Variants in PSMD1 observed in about 807,000 individuals in gnomAD.
PSMD1 encodes 26S proteasome non-ATPase regulatory subunit 1.
A neutral mutation model predicts 119.0 loss-of-function variants in PSMD1; 18 were observed. That is an observed-to-expected ratio of 0.15 (90% CI 0.10 to 0.22). The LOEUF (loss-of-function observed/expected upper bound fraction) is 0.22. PSMD1 is among the 10% of genes least tolerant of loss of function. The pLI, the probability that PSMD1 is intolerant of heterozygous loss-of-function variation, is 1.00. For missense variants in PSMD1, 702 were observed against 1,158.5 expected, an observed-to-expected ratio of 0.61 and a Z score of 5.72; for synonymous variants, 374 against 396.6, an observed-to-expected ratio of 0.94 and a Z score of 0.68.
chr2:231,144,915 G>A (rs1310817358), intron 17 of PSMD1, among the ~76,000 whole-genome samples: 1 of 152,196 alleles, frequency 6.6e-6, no homozygotes, highest in Non-Finnish European at 1.5e-5. Context: ...CTAGTACTGT[G>A]TCTGAAAAGT....
intron 16 of PSMD1, chr2:231,114,078 G>A: frequency 1.5e-6 from 1 of 675,256 alleles, no homozygotes; most frequent in South Asian, 1.7e-5. Context: ...TTCAGATAAT[G>A]GAGACAACAT....
chr2:231,060,117 C>T (rs894220299), intron 1 of PSMD1, among the ~76,000 whole-genome samples: 9 of 152,236 alleles, frequency 5.9e-5, no homozygotes, highest in African/African-American at 2.2e-4. Context: ...TCTTACTCCA[C>T]ATCACTAGTT....
chr2:231,085,353 T>G (rs920410339), intron 15 of PSMD1, among the ~76,000 whole-genome samples: 6 of 152,250 alleles, frequency 3.9e-5, no homozygotes, highest in Admixed American at 3.3e-4. Context: ...GCCATTCAGG[T>G]GCAACTTCTA....
At chr2:231,143,688 A>G (rs1385945555) in intron 17 of PSMD1, among the ~76,000 whole-genome samples, 1 of 152,180 alleles carries the variant, frequency 6.6e-6, no homozygotes, top group East Asian at 1.9e-4. Flanking sequence ...TTTTGTTATG[A>G]TATGTATATT....
chr2:231,097,297 C>T (rs1256607958), intron 16 of PSMD1, among the ~76,000 whole-genome samples: 1 of 152,194 alleles, frequency 6.6e-6, no homozygotes, highest in Non-Finnish European at 1.5e-5. Flanking sequence ...GCTATTATTC[C>T]TTTCCATTTA....
intron 16 of PSMD1, among the ~76,000 whole-genome samples, chr2:231,138,012 A>G (rs1284894892): frequency 1.3e-5 from 2 of 152,158 alleles, no homozygotes; most frequent in Non-Finnish European, 2.9e-5. Flanking sequence ...AGATCATAAC[A>G]TTACCAGCCT....
intron 4 of PSMD1, among the ~76,000 whole-genome samples, chr2:231,065,427 G>C (rs1041714532): frequency 4.9e-4 from 74 of 151,050 alleles, no homozygotes; most frequent in Non-Finnish European, 2.5e-4. Flanking sequence ...CGAGTAGCTG[G>C]GACTACAGGC....
In PSMD1 at chr2:231,161,177, A is replaced by G. The variant is rs571238165; in HGVS notation, c.2219-163A>G. ...CAGTGAGCCATGATCGTGCTGCTGCACTTGGGTGCAGTGTTTCACTCTGTC... is the reference window on the plus strand; with the variant it reads ...CAGTGAGCCATGATCGTGCTGCTGCGCTTGGGTGCAGTGTTTCACTCTGTC... On this transcript the variant is annotated intron_variant, in intron 19 of 24. Coordinates refer to ENST00000308696, the MANE Select transcript of PSMD1 (RefSeq NM_002807.4). Among the ~76,000 whole-genome samples, 23 of 152,006 alleles carry G rather than the reference A, an allele frequency of 1.5e-4. No homozygotes were observed. In the East Asian group the frequency reaches 2.9e-3, roughly 19 times the overall value.
At chr2:231,157,476 A>T (rs1176090008) in intron 19 of PSMD1, among the ~76,000 whole-genome samples, 284 of 69,878 alleles carry the variant, frequency 4.1e-3, no homozygotes, top group Non-Finnish European at 5.3e-3. Context: ...GGGCTTTTTT[A>T]CTTTATCTGT....
intron 12 of PSMD1, among the ~76,000 whole-genome samples, chr2:231,081,752 A>G (rs1694314360): frequency 1.3e-5 from 2 of 152,248 alleles, no homozygotes; most frequent in African/African-American, 4.8e-5. Flanking sequence ...ACAGATGACC[A>G]CTAAAGTTTC....
chr2:231,057,297 G>A (rs1043150488), intron 1 of PSMD1, among the ~76,000 whole-genome samples: 2 of 152,130 alleles, frequency 1.3e-5, no homozygotes, highest in African/African-American at 4.8e-5. Context: ...CAGGACCCGA[G>A]GGGCTTCCTG....
At chr2:231,107,465 A>G (rs190159449) in intron 16 of PSMD1, among the ~76,000 whole-genome samples, 1 of 152,346 alleles carries the variant, frequency 6.6e-6, no homozygotes, top group Admixed American at 6.5e-5. Context: ...ATTAAAATAT[A>G]TATCAAAAGT....
At chr2:231,057,850 A>G (rs543528546) in intron 1 of PSMD1, among the ~76,000 whole-genome samples, 14 of 152,368 alleles carry the variant, frequency 9.2e-5, no homozygotes, top group African/African-American at 3.4e-4. Flanking sequence ...TGACTTGCAT[A>G]TAGCTGTCCA....
intron 16 of PSMD1, among the ~76,000 whole-genome samples, chr2:231,100,900 C>T (rs1694850505): frequency 6.6e-6 from 1 of 152,214 alleles, no homozygotes; most frequent in African/African-American, 2.4e-5. Context: ...TCTTCACCTT[C>T]ATTTTCGAGG....
At chr2:231,071,701 G>A (rs1694043904) in intron 6 of PSMD1, among the ~76,000 whole-genome samples, 1 of 152,154 alleles carries the variant, frequency 6.6e-6, no homozygotes, top group Non-Finnish European at 1.5e-5. Flanking sequence ...TTCTAACTTT[G>A]TTGGATAATT....
At position 231,073,507 on chromosome 2, in the gene PSMD1, T is replaced by C. The variant is rs549598036; in HGVS notation, c.881+1092T>C. Among the ~76,000 whole-genome samples, 66 of 152,324 alleles carry C rather than the reference T, an allele frequency of 4.3e-4. 1 individual carries two copies. Among genetic ancestry groups the C allele is most frequent in the African/African-American group, 1.5e-3 (64 of 41,574 alleles). On this transcript the variant is annotated intron_variant, in intron 7 of 24. Transcript: ENST00000308696. ...TTTTCTTTTTCAAGATTCTTTGGGC[T>C]ATTGTAGATTTTTTGCATTATATAA...
In PSMD1 at chr2:231,082,945, T is replaced by C. The variant is rs1200299184; in HGVS notation, c.1476T>C (p.Asp492=). 6.2e-7 allele frequency: 1 copy of C among 1,614,150 alleles called. No homozygotes were observed. The highest frequency in any genetic ancestry group is 1.3e-5 in the African/African-American group (1 of 75,074). Reference sequence around the variant, plus strand: ...CAGCCATGGGAACTGCACGTCAAGATGTTTATGATTTGCTAAAAACAAACC... The same window carrying C: ...CAGCCATGGGAACTGCACGTCAAGACGTTTATGATTTGCTAAAAACAAACC... ...GLAAMGTARQ[D]VYDLLKTNLY... The change falls in exon 13 of 25, where the codon GAT becomes GAC. Residue 492 remains aspartate, a synonymous_variant. Coordinates refer to ENST00000308696, the MANE Select transcript of PSMD1 (RefSeq NM_002807.4).
intron 14 of PSMD1, among the ~76,000 whole-genome samples, chr2:231,084,401 A>T (rs1694384231): frequency 6.6e-6 from 1 of 152,072 alleles, no homozygotes; most frequent in Non-Finnish European, 1.5e-5. Context: ...TCATTTAATA[A>T]GATACAAAGT....
chr2:231,165,034 TTATATATATATATA>T (rs66656378), intron 21 of PSMD1, 152 bp from the exon 22 acceptor site: 79 of 22,054 alleles, frequency 3.6e-3, no homozygotes, highest in South Asian at 4.8e-3. Flanking sequence ...TTATATATAT[TTATATATATATATA>T]TATATATATA....
Sources: gnomAD v4.1 joint callset for allele counts (sites outside exome capture counted in the v4.1 genomes callset) on GRCh38, gnomAD v4.1.1 for gene constraint, MANE v1.5 for transcripts, NCBI Gene and HGNC (gene_info 2026-07-23, HGNC 2026-07-21) for gene names.